SNAP47: variants seen among roughly 807,000 people sequenced by gnomAD.
SNAP47 encodes the protein synaptosome associated protein 47.
SNAP47 carries 20 observed loss-of-function variants against 31.4 expected under a neutral mutation model. That is an observed-to-expected ratio of 0.64 (90% CI 0.45 to 0.93). The LOEUF is 0.93. Ranked by LOEUF, SNAP47 falls within the 40% of genes least tolerant of loss-of-function variation. SNAP47 has a pLI of 0.00. For synonymous variants in SNAP47, 194 were observed against 213.4 expected (o/e 0.91, Z 0.79); for missense variants, 492 against 528.5 (o/e 0.93, Z 0.68).
intron 1 of SNAP47, chr1:227,747,150 G>A (rs923149939): frequency 1.3e-5 from 2 of 153,262 alleles, no homozygotes; most frequent in African/African-American, 4.8e-5. Context: ...TTATGAGAAG[G>A]GAAAACGCTT....
upstream of SNAP47, chr1:227,733,660 G>C (rs767519056): frequency 6.2e-7 from 1 of 1,602,130 alleles, no homozygotes. Context: ...AGGAGCGGAA[G>C]ATGTCAGCAT....
In SNAP47 at chr1:227,780,803, GTGGGGCTGC is replaced by G; in HGVS notation, c.*132_*140del. On this transcript the variant is annotated 3_prime_UTR_variant, in exon 5 of 5. Coordinates refer to ENST00000617596, the MANE Select transcript of SNAP47 (RefSeq NM_053052.4). ...TCTTCCTCTGGATGGGGCTGCTACT[GTGGGGCTGC>G]TTCTGCACCAGGGGCCTCCCCAGGT... 7.6e-7 allele frequency: 1 copy of G among 1,320,990 alleles called. No individual in the cohort carries two copies. Among genetic ancestry groups the G allele is most frequent in the Non-Finnish European group, 1.0e-6 (1 of 976,532 alleles). The allele number at this position is 1,320,990 out of a possible 1,614,324, so 81.8% of individuals were successfully genotyped here.
chr1:227,756,255 A>G (rs565896888), intron 2 of SNAP47, among the ~76,000 whole-genome samples: 2 of 152,366 alleles, frequency 1.3e-5, no homozygotes, highest in East Asian at 3.9e-4. Flanking sequence ...CTGACTATAT[A>G]CAGTTGTTGA....
rs117927029 is a variant in SNAP47, at chr1:227,748,376, T to C, written c.497+143T>C. Reference sequence around the variant, plus strand: ...ATCCTGGCTGTGCACCTGCTGTACATGCTTAGTGGGTACGCACATTAAGAT... The same window carrying C: ...ATCCTGGCTGTGCACCTGCTGTACACGCTTAGTGGGTACGCACATTAAGAT... On this transcript the variant is annotated intron_variant, in intron 2 of 4. Transcript: ENST00000617596. 4,895 of 917,356 alleles carry C rather than the reference T, an allele frequency of 5.3e-3. 143 individuals are homozygous for C. Among genetic ancestry groups the C allele is most frequent in the South Asian group, 0.05 (2,759 of 55,450 alleles). 56.8% of individuals were successfully genotyped at this position (917,356 alleles called of 1,614,324 possible).
upstream of SNAP47, chr1:227,733,722 G>T (rs1285065857): frequency 6.3e-7 from 1 of 1,598,228 alleles, no homozygotes; most frequent in South Asian, 1.1e-5. Context: ...TGTAGGGGCT[G>T]GTATGGGCTT....
upstream of SNAP47, chr1:227,732,883 G>A (rs771252367): frequency 2.8e-5 from 45 of 1,612,492 alleles, no homozygotes; most frequent in Non-Finnish European, 3.7e-5. Flanking sequence ...CACCCCACCT[G>A]GCAGTGGTGG....
chr1:227,754,566 G>A (rs1178666215), intron 2 of SNAP47, among the ~76,000 whole-genome samples: 5 of 152,164 alleles, frequency 3.3e-5, no homozygotes, highest in Admixed American at 1.3e-4. Context: ...CTTCCAAAAC[G>A]GTTCCTCCTT....
intron 1 of SNAP47, among the ~76,000 whole-genome samples, chr1:227,729,646 T>C (rs1438430248): frequency 1.3e-5 from 2 of 152,014 alleles, no homozygotes; most frequent in South Asian, 4.1e-4. Context: ...GGCACAAGCA[T>C]GAGGATGGTC....
chr1:227,729,349 G>C (rs951138083), intron 1 of SNAP47, among the ~76,000 whole-genome samples: 2 of 152,206 alleles, frequency 1.3e-5, no homozygotes, highest in African/African-American at 2.4e-5. Context: ...TTCTAGGCCA[G>C]TGGAACAAGT....
chr1:227,738,044 T>C (rs1028866271), intron 1 of SNAP47, among the ~76,000 whole-genome samples: 1 of 152,092 alleles, frequency 6.6e-6, no homozygotes, highest in Non-Finnish European at 1.5e-5. Context: ...TTTTGTTTTG[T>C]TGTTTTTGCT....
At chr1:227,735,177 C>T, upstream of SNAP47, 1 of 1,580,762 alleles carries the variant, frequency 6.3e-7, no homozygotes, top group Non-Finnish European at 8.6e-7. Flanking sequence ...GGCTCCGAGA[C>T]GAAGGCTACC....
At chr1:227,778,196 T>G (rs994829422) in intron 4 of SNAP47, among the ~76,000 whole-genome samples, 1 of 152,236 alleles carries the variant, frequency 6.6e-6, no homozygotes, top group Admixed American at 6.5e-5. Flanking sequence ...AGATTTTGTT[T>G]TATTCCTTAA....
In SNAP47 at chr1:227,759,478, G is replaced by T. The variant is rs750737156; in HGVS notation, c.981G>T (p.Trp327Cys). Residue 327 changes from tryptophan to cysteine, a missense_variant, in exon 3 of 5, where the codon TGG becomes TGT. Transcript: ENST00000617596. ...SSPAEKSCSVWHAASGLMGRT... is the reference protein window; with the variant it reads ...SSPAEKSCSVCHAASGLMGRT... ...CCGCAGAGAAGAGCTGCTCAGTCTG[G>T]CATGCAGGTTAGTGACCGACAAGGC... 13 of 1,613,416 alleles carry T rather than the reference G, an allele frequency of 8.1e-6. No individual in the cohort carries two copies. Among genetic ancestry groups the T allele is most frequent in the Non-Finnish European group, 1.1e-5 (13 of 1,179,620 alleles).
At chr1:227,734,801 G>A (rs776218972), upstream of SNAP47, 1 of 1,613,924 alleles carries the variant, frequency 6.2e-7, no homozygotes, top group Non-Finnish European at 8.5e-7. Context: ...GTTTGCAACT[G>A]GTACAACCAC....
chr1:227,760,450 C>T (rs1191641232), intron 3 of SNAP47, among the ~76,000 whole-genome samples: 10 of 152,314 alleles, frequency 6.6e-5, no homozygotes, highest in Admixed American at 6.5e-4. Context: ...TGTGGAGTGG[C>T]CATGGTACCT....
rs538046920 is a variant in SNAP47 at position 227,749,289 on chromosome 1, G to C, written c.497+1056G>C. On this transcript the variant is annotated intron_variant, in intron 2 of 4. Transcript: ENST00000617596. ...ACTGGGACCCTCAGTTCCTCGTCCT[G>C]GGGTCCTGTCTGGAGCGTGAGTCTT... Among the ~76,000 whole-genome samples, 12 of 152,190 alleles carry C rather than the reference G, an allele frequency of 7.9e-5. No individual in the cohort carries two copies. In the South Asian group the frequency reaches 2.3e-3, roughly 29 times the overall value.
At chr1:227,778,076 A>AT (rs1402668313) in intron 4 of SNAP47, among the ~76,000 whole-genome samples, 1 of 152,232 alleles carries the variant, frequency 6.6e-6, no homozygotes. Flanking sequence ...TTAATCCCAA[A>AT]TTTGAGTTAT....
At chr1:227,770,108 C>T (rs1286430377) in intron 4 of SNAP47, among the ~76,000 whole-genome samples, 1 of 152,234 alleles carries the variant, frequency 6.6e-6, no homozygotes, top group Non-Finnish European at 1.5e-5. Flanking sequence ...GGGCACAGGT[C>T]CCAGGGGTTG....
chr1:227,745,078 A>G (rs951456655), intron 1 of SNAP47, among the ~76,000 whole-genome samples: 1 of 152,224 alleles, frequency 6.6e-6, no homozygotes, highest in Non-Finnish European at 1.5e-5. Flanking sequence ...CAGTGGTTTC[A>G]AATGCTCTTG....
Sources: allele counts gnomAD v4.1 joint callset (sites outside exome capture counted in the v4.1 genomes callset), GRCh38; gene constraint gnomAD v4.1.1; transcripts MANE v1.5; gene names NCBI Gene and HGNC (gene_info 2026-07-23, HGNC 2026-07-21).